Variants in GPC6 observed in about 807,000 individuals in gnomAD.
GPC6 encodes glypican 6.
GPC6 carries 14 observed loss-of-function variants against 55.2 expected under a neutral mutation model. The ratio of observed to expected loss-of-function variants is 0.25; its 90% CI spans 0.17 to 0.40. The LOEUF (loss-of-function observed/expected upper bound fraction) is 0.40. Among genes scored for constraint, GPC6 ranks in the 10% least tolerant of loss-of-function variants. The pLI is 1.00. For synonymous variants in GPC6, 278 were observed against 259.6 expected (o/e 1.07, Z -0.68); for missense variants, 641 against 708.5 (o/e 0.90, Z 1.08).
At chr13:93,690,518 TA>T (rs1171723851) in intron 2 of GPC6, among the ~76,000 whole-genome samples, 1 of 151,804 alleles carries the variant, frequency 6.6e-6, no homozygotes, top group Non-Finnish European at 1.5e-5. Flanking sequence ...ACTGATTTTT[TA>T]ATTTTTTTTT....
intron 2 of GPC6, among the ~76,000 whole-genome samples, chr13:93,582,385 T>C (rs1378954579): frequency 1.3e-5 from 2 of 152,160 alleles, no homozygotes; most frequent in African/African-American, 2.4e-5. Context: ...CCAAGATAAG[T>C]CAATTTCAAA....
intron 4 of GPC6, among the ~76,000 whole-genome samples, chr13:94,255,752 G>A (rs1014145563): frequency 3.3e-5 from 5 of 152,104 alleles, no homozygotes; most frequent in South Asian, 2.1e-4. Context: ...CTACAGCCTC[G>A]GAAGAACTTA....
chr13:94,054,381 G>A (rs534542449), intron 4 of GPC6, among the ~76,000 whole-genome samples: 9 of 152,294 alleles, frequency 5.9e-5, no homozygotes, highest in East Asian at 3.9e-4. Flanking sequence ...CAGTGGAGTC[G>A]CCCGGAGGGC....
intron 4 of GPC6, among the ~76,000 whole-genome samples, chr13:94,274,441 T>G (rs977446980): frequency 2.6e-5 from 4 of 152,238 alleles, no homozygotes; most frequent in African/African-American, 9.6e-5. Context: ...TGTACACTGT[T>G]TTAAATTGCA....
chr13:93,478,151 G>A (rs957437754), intron 1 of GPC6, among the ~76,000 whole-genome samples: 1 of 152,108 alleles, frequency 6.6e-6, no homozygotes, highest in Non-Finnish European at 1.5e-5. Flanking sequence ...AGAAATCATA[G>A]AACAAACTAG....
At chr13:93,670,731 C>T (rs56386425) in intron 2 of GPC6, among the ~76,000 whole-genome samples, 3,909 of 152,288 alleles carry the variant, frequency 0.026, 73 homozygotes, top group Middle Eastern at 0.058. Context: ...CACTCAGTAA[C>T]GGTTTTACAA....
At chr13:94,211,025 G>GAAAC (rs1450232502) in intron 4 of GPC6, among the ~76,000 whole-genome samples, 1 of 152,188 alleles carries the variant, frequency 6.6e-6, no homozygotes, top group East Asian at 1.9e-4. Context: ...TACTGTAGCT[G>GAAAC]AAACAGACAA....
At chr13:93,657,832 A>G (rs1270688576) in intron 2 of GPC6, among the ~76,000 whole-genome samples, 1 of 151,972 alleles carries the variant, frequency 6.6e-6, no homozygotes, top group Non-Finnish European at 1.5e-5. Flanking sequence ...CATACACACA[A>G]CCAACAAGCA....
chr13:94,023,851 A>T (rs1292805268), intron 3 of GPC6, among the ~76,000 whole-genome samples: 1 of 151,954 alleles, frequency 6.6e-6, no homozygotes, highest in Non-Finnish European at 1.5e-5. Context: ...TGAGGGCATT[A>T]TGCTCAGAAA....
intron 1 of GPC6, among the ~76,000 whole-genome samples, chr13:93,389,733 A>C (rs1182755089): frequency 1.3e-5 from 2 of 152,092 alleles, no homozygotes; most frequent in Non-Finnish European, 2.9e-5. Context: ...AGTAAAGGGA[A>C]ATCAGCATGG....
rs531461846 is a variant in GPC6, at chr13:93,683,027, CAAAAAG to C, written c.319+137623_319+137628del. The stretch of plus-strand genomic sequence containing the variant: ...AGCAAGACCCTGTCTGAAAAGAAAA[CAAAAAG>C]AAAAAGAAAAAGAAAAGAAAGAAAG... On this transcript the variant is annotated intron_variant, in intron 2 of 8. Coordinates refer to ENST00000377047, the MANE Select transcript of GPC6 (RefSeq NM_005708.5). 2.5e-3 allele frequency among the ~76,000 whole-genome samples: 380 copies of C among 151,314 alleles called. 2 individuals are homozygous for C. The highest frequency in any genetic ancestry group is 8.6e-3 in the African/African-American group (356 of 41,234).
intron 2 of GPC6, among the ~76,000 whole-genome samples, chr13:93,698,485 C>CTTTTTTTTTTTTT (rs57058820): frequency 3.1e-5 from 1 of 32,434 alleles, no homozygotes; most frequent in African/African-American, 1.2e-4. Flanking sequence ...CTGTGTGGGT[C>CTTTTTTTTTTTTT]TTTTTTTTTT....
At chr13:94,045,689 A>G (rs1883705918) in intron 4 of GPC6, among the ~76,000 whole-genome samples, 1 of 151,214 alleles carries the variant, frequency 6.6e-6, no homozygotes, top group Middle Eastern at 3.4e-3. Context: ...TGTGGCTGTA[A>G]CTCAGCCACT....
intron 1 of GPC6, among the ~76,000 whole-genome samples, chr13:93,436,510 C>A (rs1877578188): frequency 6.6e-6 from 1 of 152,030 alleles, no homozygotes; most frequent in Non-Finnish European, 1.5e-5. Flanking sequence ...GAGAGAGGAA[C>A]TGTAATGGTA....
At chr13:93,481,453 T>G (rs1484593384) in intron 1 of GPC6, among the ~76,000 whole-genome samples, 1 of 152,148 alleles carries the variant, frequency 6.6e-6, no homozygotes, top group Non-Finnish European at 1.5e-5. Flanking sequence ...GTTGTTGATT[T>G]ATCTTTTTTC....
intron 1 of GPC6, among the ~76,000 whole-genome samples, chr13:93,399,350 A>G (rs1875983251): frequency 6.6e-6 from 1 of 152,212 alleles, no homozygotes; most frequent in Admixed American, 6.5e-5. Flanking sequence ...AATCTACATG[A>G]ATGCAGAAAC....
intron 4 of GPC6, among the ~76,000 whole-genome samples, chr13:94,153,739 C>T (rs1486024372): frequency 6.6e-6 from 1 of 152,190 alleles, no homozygotes; most frequent in African/African-American, 2.4e-5. Context: ...AAACTAGCAG[C>T]ATCCGCATTA....
At chr13:94,204,416 C>A (rs553870150) in intron 4 of GPC6, among the ~76,000 whole-genome samples, 1 of 152,142 alleles carries the variant, frequency 6.6e-6, no homozygotes, top group South Asian at 2.1e-4. Context: ...CCAACGCCTA[C>A]AAAAGTGTGA....
intron 2 of GPC6, among the ~76,000 whole-genome samples, chr13:93,695,312 T>C (rs1882412822): frequency 6.6e-6 from 1 of 152,084 alleles, no homozygotes; most frequent in African/African-American, 2.4e-5. Flanking sequence ...CAGCAGTAGG[T>C]ATAATGCAAA....
Sources: allele counts gnomAD v4.1 joint callset (sites outside exome capture counted in the v4.1 genomes callset), GRCh38; gene constraint gnomAD v4.1.1; transcripts MANE v1.5; gene names NCBI Gene and HGNC (gene_info 2026-07-23, HGNC 2026-07-21).